SEC14L2: variants seen among roughly 807,000 people sequenced by gnomAD.
The protein encoded by SEC14L2 is SEC14-like protein 2.
In SEC14L2, 50 loss-of-function variants were observed where a neutral mutation model predicts 56.9. The ratio of observed to expected loss-of-function variants is 0.88; its 90% confidence interval spans 0.70 to 1.11. SEC14L2 has a LOEUF of 1.11. Among genes scored for constraint, SEC14L2 ranks in the 50% most tolerant of loss-of-function variants. The probability of loss-of-function intolerance (pLI) is 0.00; values close to 1 mark genes in which losing one functional copy is unlikely to be tolerated. For synonymous variants in SEC14L2, 179 were observed against 188.5 expected, an observed-to-expected ratio of 0.95 and a Z score of 0.41; for missense variants, 414 against 500.7, an observed-to-expected ratio of 0.83 and a Z score of 1.65.
chr22:30,409,169 G>A lies in SEC14L2; in HGVS notation c.424-18G>A. 1 of 1,609,614 alleles carries A rather than the reference G, an allele frequency of 6.2e-7. No homozygotes were observed. The highest frequency in any genetic ancestry group is 8.5e-7 in the Non-Finnish European group (1 of 1,175,900). On this transcript the variant is annotated intron_variant, in intron 5 of 11. Coordinates refer to ENST00000615189, the MANE Select transcript of SEC14L2 (RefSeq NM_012429.5). ...GTAGGACAGCCTGACAAGACTTCCTGCTCTCTGTTCCCTGCAGTTGGGGAG... is the reference window on the plus strand; with the variant it reads ...GTAGGACAGCCTGACAAGACTTCCTACTCTCTGTTCCCTGCAGTTGGGGAG...
At position 30,424,649 on chromosome 22, in the gene SEC14L2, T is replaced by C. The variant is rs1934619692; in HGVS notation, c.*2242T>C. On this transcript the variant is annotated 3_prime_UTR_variant, in exon 12 of 12. Coordinates refer to ENST00000615189, the MANE Select transcript of SEC14L2 (RefSeq NM_012429.5). ...TAAGTAAGTGCTCGTCAATGTTGGC[T>C]ACTCTCATTTTTTTTGCAGACGTGG... 2.2e-6 allele frequency: 1 copy of C among 454,778 alleles called. No homozygotes were observed. The highest frequency in any genetic ancestry group is 4.4e-6 in the Non-Finnish European group (1 of 226,398). The allele number at this position is 454,778 out of a possible 1,614,324, so 28.2% of individuals were successfully genotyped here.
intron 2 of SEC14L2, among the ~76,000 whole-genome samples, chr22:30,404,349 T>G (rs4820845): frequency 0.53 from 79,911 of 152,066 alleles, 21,563 homozygotes; most frequent in South Asian, 0.78. Flanking sequence ...TGTGGCATTG[T>G]TCAAATCTCT....
At position 30,416,052 on chromosome 22, in the gene SEC14L2, G is replaced by A; in HGVS notation, c.876G>A (p.Val292=). 2 of 1,614,260 alleles carry A rather than the reference G, an allele frequency of 1.2e-6. No individual in the cohort carries two copies. Among genetic ancestry groups the A allele is most frequent in the East Asian group, 4.5e-5 (2 of 44,892 alleles). ...TTTCCCGTGGCTCCTCCCACCAAGT[G>A]GAGTATGAGATCCTCTTCCCTGGCT... The part of the protein sequence containing the change: ...VQISRGSSHQ[V]EYEILFPGCV... The change falls in exon 10 of 12, where the codon GTG becomes GTA. Residue 292 remains valine, a synonymous_variant. Coordinates refer to ENST00000615189, the MANE Select transcript of SEC14L2 (RefSeq NM_012429.5).
chr22:30,414,278 C>T (rs1481446534), intron 8 of SEC14L2, among the ~76,000 whole-genome samples: 1 of 152,144 alleles, frequency 6.6e-6, no homozygotes, highest in African/African-American at 2.4e-5. Flanking sequence ...TCTGCTGCTA[C>T]CACCCACCAT....
chr22:30,416,446 A>G (rs1934394019), intron 11 of SEC14L2, 43 bp downstream of exon 11: 1 of 1,614,076 alleles, frequency 6.2e-7, no homozygotes, highest in African/African-American at 1.3e-5. Context: ...CCCCATGTCC[A>G]GCTTTCTGCC....
chr22:30,407,032 G>T (rs1243931949), intron 3 of SEC14L2, 63 bp from the exon 4 acceptor site: 1 of 1,556,984 alleles, frequency 6.4e-7, no homozygotes, highest in Admixed American at 1.7e-5. Context: ...GATTACAGGT[G>T]TGAACCACCA....
At chr22:30,400,218 C>A (rs1933887637) in intron 2 of SEC14L2, 1 of 154,612 alleles carries the variant, frequency 6.5e-6, no homozygotes, top group African/African-American at 2.4e-5. Context: ...AGGGGCACAG[C>A]CTGACCTAGA....
rs529072305 is a variant in SEC14L2 at position 30,424,225 on chromosome 22, A to C, written c.*1818A>C. 48 of 158,032 alleles carry C rather than the reference A, an allele frequency of 3.0e-4. No homozygotes were observed. Among genetic ancestry groups the C allele is most frequent in the Non-Finnish European group, 5.9e-4 (42 of 70,984 alleles). The allele number at this position is 158,032 out of a possible 1,614,324, so 9.8% of individuals were successfully genotyped here. A position where few individuals can be genotyped will look rare whatever the true frequency, so the allele number is the denominator to read the frequency against. ...TGGGCCCAGAATGAGAGGGAGGCGG[A>C]GGAGCAGCGATCACGTGGTTTTAGG... On this transcript the variant is annotated 3_prime_UTR_variant, in exon 12 of 12. Transcript: ENST00000615189.
Position 30,422,475 on chromosome 22 carries a change from C to A in SEC14L2, c.*68C>A. 6.3e-7 allele frequency: 1 copy of A among 1,586,702 alleles called. No homozygotes were observed. The highest frequency in any genetic ancestry group is 8.6e-7 in the Non-Finnish European group (1 of 1,164,110). The stretch of plus-strand genomic sequence containing the variant: ...GTCAATTTCTACCCCTTGTAGCAGT[C>A]ATTTTCGCACAACCCTGAAGCCCAA... On this transcript the variant is annotated 3_prime_UTR_variant, in exon 12 of 12. Transcript: ENST00000615189.
rs1165432422 is a variant in SEC14L2, at chr22:30,422,885, C to T, written c.*478C>T. On this transcript the variant is annotated 3_prime_UTR_variant, in exon 12 of 12. Coordinates refer to ENST00000615189, the MANE Select transcript of SEC14L2 (RefSeq NM_012429.5). ...TTACGGTGGGGATCAGAAACTCTTCCAAACATTTTAGCACTGAGGCTGGGG... is the reference window on the plus strand; with the variant it reads ...TTACGGTGGGGATCAGAAACTCTTCTAAACATTTTAGCACTGAGGCTGGGG... 6.5e-6 allele frequency: 1 copy of T among 154,298 alleles called. No individual in the cohort carries two copies. The highest frequency in any genetic ancestry group is 1.4e-5 in the Non-Finnish European group (1 of 69,140). The allele number at this position is 154,298 out of a possible 1,614,324, so 9.6% of individuals were successfully genotyped here.
intron 1 of SEC14L2, among the ~76,000 whole-genome samples, chr22:30,398,208 G>C (rs1002499508): frequency 1.2e-4 from 19 of 152,230 alleles, no homozygotes; most frequent in Non-Finnish European, 8.8e-5. Flanking sequence ...CTGCTGACTC[G>C]CAGGAGAGGT....
At chr22:30,398,062 G>A (rs1403418719) in intron 1 of SEC14L2, among the ~76,000 whole-genome samples, 2 of 152,218 alleles carry the variant, frequency 1.3e-5, no homozygotes, top group African/African-American at 4.8e-5. Flanking sequence ...GTTTTCCATG[G>A]CTGGGAAAGG....
intron 11 of SEC14L2, among the ~76,000 whole-genome samples, chr22:30,421,922 T>C (rs1934529744): frequency 6.6e-6 from 1 of 152,230 alleles, no homozygotes; most frequent in Admixed American, 6.5e-5. Context: ...CTGCTACTGC[T>C]GCTGCTAATT....
intron 8 of SEC14L2, among the ~76,000 whole-genome samples, chr22:30,413,304 C>G (rs1315624123): frequency 6.6e-6 from 1 of 152,100 alleles, no homozygotes; most frequent in Non-Finnish European, 1.5e-5. Context: ...GGGGCAACAT[C>G]AGGGTACAAG....
chr22:30,409,595 A>G (rs2146025063), intron 7 of SEC14L2, 109 bp downstream of exon 7: 1 of 1,065,454 alleles, frequency 9.4e-7, no homozygotes, highest in African/African-American at 1.6e-5. Context: ...GTCTGAGGAC[A>G]TGTTCAGAAG....
At chr22:30,414,914 G>A (rs1199841940) in intron 8 of SEC14L2, among the ~76,000 whole-genome samples, 2 of 152,182 alleles carry the variant, frequency 1.3e-5, no homozygotes, top group African/African-American at 4.8e-5. Context: ...CGACTTAGCT[G>A]TAGGGGAAGG....
At chr22:30,417,131 A>G (rs1484654350) in intron 11 of SEC14L2, among the ~76,000 whole-genome samples, 1 of 152,204 alleles carries the variant, frequency 6.6e-6, no homozygotes, top group Non-Finnish European at 1.5e-5. Flanking sequence ...TGTTAAAGAG[A>G]ATAAACTGAC....
intron 2 of SEC14L2, 80 bp downstream of exon 2, chr22:30,399,798 C>A: frequency 1.5e-6 from 2 of 1,312,280 alleles, no homozygotes; most frequent in Admixed American, 2.1e-5. Flanking sequence ...AAACCCTGCC[C>A]TTGGCAATTG....
At chr22:30,404,427 G>C (rs964695813) in intron 2 of SEC14L2, among the ~76,000 whole-genome samples, 3 of 152,122 alleles carry the variant, frequency 2.0e-5, no homozygotes, top group African/African-American at 7.2e-5. Context: ...AATGTGCTCG[G>C]CACTCCCAGA....
Sources: gnomAD v4.1 joint callset for allele counts (sites outside exome capture counted in the v4.1 genomes callset) on GRCh38, gnomAD v4.1.1 for gene constraint, MANE v1.5 for transcripts, NCBI Gene and HGNC (gene_info 2026-07-23, HGNC 2026-07-21) for gene names.